TMEM63C: variants seen among roughly 807,000 people sequenced by gnomAD.
TMEM63C encodes the protein osmosensitive cation channel TMEM63C.
A neutral mutation model predicts 99.2 loss-of-function variants in TMEM63C; 32 were observed. The observed-to-expected ratio is 0.32, with a 90% CI of 0.24 to 0.43. TMEM63C has a LOEUF of 0.43. Ranked by LOEUF, TMEM63C falls within the 20% of genes least tolerant of loss-of-function variation. The pLI, the probability that TMEM63C is intolerant of heterozygous loss-of-function variation, is 1.00. For missense variants in TMEM63C, 826 were observed against 1,053.0 expected, an observed-to-expected ratio of 0.78 and a Z score of 2.98; for synonymous variants, 376 against 397.9, an observed-to-expected ratio of 0.94 and a Z score of 0.66.
intron 1 of TMEM63C, among the ~76,000 whole-genome samples, chr14:77,187,391 C>T (rs554305099): frequency 3.9e-5 from 6 of 152,340 alleles, no homozygotes; most frequent in Non-Finnish European, 8.8e-5. Context: ...AAGGACATCT[C>T]GAGTCACGGG....
At chr14:77,224,260 G>A (rs1888777463) in intron 5 of TMEM63C, among the ~76,000 whole-genome samples, 1 of 151,884 alleles carries the variant, frequency 6.6e-6, no homozygotes. Context: ...AGGCAAAAAA[G>A]AAACAGATGT....
At chr14:77,214,872 G>A (rs1566621322) in intron 2 of TMEM63C, among the ~76,000 whole-genome samples, 1 of 151,914 alleles carries the variant, frequency 6.6e-6, no homozygotes, top group Non-Finnish European at 1.5e-5. Context: ...ACACTTACTA[G>A]CCGTCCACAA....
chr14:77,240,762 G>T (rs1248482345), intron 13 of TMEM63C, among the ~76,000 whole-genome samples, 154 bp downstream of exon 13: 2 of 152,102 alleles, frequency 1.3e-5, no homozygotes, highest in Admixed American at 6.5e-5. Context: ...TGGATGAGAT[G>T]GCCATACCTG....
chr14:77,222,308 T>G (rs1214172872), intron 5 of TMEM63C, among the ~76,000 whole-genome samples: 1 of 152,188 alleles, frequency 6.6e-6, no homozygotes, highest in Non-Finnish European at 1.5e-5. Flanking sequence ...ATAGCCAATG[T>G]GTCTCCACGT....
chr14:77,199,370 G>A (rs1888260035), intron 1 of TMEM63C, among the ~76,000 whole-genome samples: 1 of 152,124 alleles, frequency 6.6e-6, no homozygotes, highest in Non-Finnish European at 1.5e-5. Context: ...ACAGTCAAGT[G>A]CAAATCATTC....
At chr14:77,229,622 A>G (rs1163179777) in intron 6 of TMEM63C, among the ~76,000 whole-genome samples, 1 of 145,298 alleles carries the variant, frequency 6.9e-6, no homozygotes, top group Non-Finnish European at 1.5e-5. Context: ...TAATATATAT[A>G]TATATATATA....
In TMEM63C at chr14:77,249,380, A is replaced by G. The variant is rs2287384; in HGVS notation, c.1960A>G (p.Met654Val). 700 of 1,614,028 alleles carry G rather than the reference A, an allele frequency of 4.3e-4. 14 individuals carry two copies. In the East Asian group the frequency reaches 0.015, roughly 36 times the overall value. The change falls in exon 21 of 24, where the codon ATG becomes GTG. Residue 654 changes from methionine (M) to valine (V), a missense_variant. By Grantham distance (21) the Met-to-Val change is conservative. Transcript: ENST00000298351. ...APTKLNEQIH[M>V]AAVSQAIFAP... Reference sequence around the variant, plus strand: ...CACCAAACTGAACGAGCAGATCCACATGGCTGCCGTCTCCCAGGCCATCTT... The same window carrying G: ...CACCAAACTGAACGAGCAGATCCACGTGGCTGCCGTCTCCCAGGCCATCTT...
chr14:77,214,876 T>C (rs892129780), intron 2 of TMEM63C, among the ~76,000 whole-genome samples: 2 of 152,108 alleles, frequency 1.3e-5, no homozygotes, highest in Non-Finnish European at 2.9e-5. Flanking sequence ...TTACTAGCCG[T>C]CCACAATTCT....
At chr14:77,213,664 G>A (rs1465979422) in intron 2 of TMEM63C, 156 bp downstream of exon 2, 1 of 152,292 alleles carries the variant, frequency 6.6e-6, no homozygotes, top group East Asian at 1.9e-4. Context: ...TCAGATGCCA[G>A]CTCCTTCCTC....
chr14:77,248,568 A>T (rs866435847), intron 19 of TMEM63C, 59 bp downstream of exon 19: 1 of 1,550,216 alleles, frequency 6.5e-7, no homozygotes, highest in Middle Eastern at 1.7e-4. Context: ...GGTGTCAGGG[A>T]TAGAGCCTGC....
Sources: gnomAD v4.1 joint callset for allele counts (sites outside exome capture counted in the v4.1 genomes callset) on GRCh38, gnomAD v4.1.1 for gene constraint, MANE v1.5 for transcripts, NCBI Gene and HGNC (gene_info 2026-07-23, HGNC 2026-07-21) for gene names.